Variants in CLASP1 observed in about 807,000 individuals in gnomAD.
The protein encoded by CLASP1 is cytoplasmic linker associated protein 1, also known as CLIP-associating protein 1.
CLASP1 carries 38 observed loss-of-function variants against 192.3 expected under a neutral mutation model. The ratio of observed to expected loss-of-function variants is 0.20; its 90% CI spans 0.15 to 0.26. The LOEUF is 0.26. Ranked by LOEUF, CLASP1 falls within the 10% of genes least tolerant of loss-of-function variation. The probability of loss-of-function intolerance (pLI) is 1.00; values close to 1 mark genes in which losing one functional copy is unlikely to be tolerated. For synonymous variants in CLASP1, 691 were observed against 712.8 expected (o/e 0.97, Z 0.49); for missense variants, 1,433 against 1,932.5 (o/e 0.74, Z 4.85).
chr2:121,525,507 G>A (rs1055085352), intron 6 of CLASP1, among the ~76,000 whole-genome samples: 4 of 151,820 alleles, frequency 2.6e-5, no homozygotes, highest in African/African-American at 7.3e-5. Flanking sequence ...CTCCACCCCC[G>A]GCACCACCCC....
At chr2:121,576,102 G>A (rs2060492995) in intron 2 of CLASP1, among the ~76,000 whole-genome samples, 2 of 152,232 alleles carry the variant, frequency 1.3e-5, no homozygotes, top group Non-Finnish European at 2.9e-5. Flanking sequence ...CCATGAACAG[G>A]AAGGGTTAGA....
intron 30 of CLASP1, among the ~76,000 whole-genome samples, chr2:121,389,627 G>C (rs1036182238): frequency 6.6e-6 from 1 of 152,168 alleles, no homozygotes; most frequent in African/African-American, 2.4e-5. Flanking sequence ...AATGGCATTT[G>C]AAAGTTATAA....
At chr2:121,403,390 T>C (rs1036115529) in intron 26 of CLASP1, 6 of 456,536 alleles carry the variant, frequency 1.3e-5, no homozygotes, top group Non-Finnish European at 2.6e-5. Context: ...GGATGTTTGA[T>C]ATTTCAAGGA....
chr2:121,459,122 C>T, intron 12 of CLASP1, 147 bp from the exon 13 acceptor site: 1 of 520,580 alleles, frequency 1.9e-6, no homozygotes, highest in Non-Finnish European at 3.2e-6. Context: ...AAGAACTTGG[C>T]AAATAGTTCT....
At chr2:121,448,849 T>C (rs1343125825) in intron 17 of CLASP1, 104 bp downstream of exon 17, 3 of 1,182,234 alleles carry the variant, frequency 2.5e-6, no homozygotes, top group Admixed American at 2.4e-5. Flanking sequence ...GGGGGCGTTT[T>C]AACAAGCACC....
intron 1 of CLASP1, among the ~76,000 whole-genome samples, chr2:121,645,178 AAG>A (rs2072955324): frequency 6.6e-6 from 1 of 152,162 alleles, no homozygotes; most frequent in Non-Finnish European, 1.5e-5. Context: ...TGCTCAATTC[AAG>A]AGAGAGTTTA....
chr2:121,455,495 A>T (rs1403259148), intron 14 of CLASP1, among the ~76,000 whole-genome samples: 1 of 152,228 alleles, frequency 6.6e-6, no homozygotes, highest in Non-Finnish European at 1.5e-5. Flanking sequence ...AAATCTTGTC[A>T]TTTAAGACAA....
At chr2:121,493,631 CA>C (rs2150168559) in intron 8 of CLASP1, among the ~76,000 whole-genome samples, 1 of 151,846 alleles carries the variant, frequency 6.6e-6, no homozygotes, top group East Asian at 1.9e-4. Context: ...GCAACCAAAG[CA>C]AACAATCAAC....
At chr2:121,573,545 A>G (rs1288354369) in intron 2 of CLASP1, among the ~76,000 whole-genome samples, 2 of 152,188 alleles carry the variant, frequency 1.3e-5, no homozygotes, top group Non-Finnish European at 2.9e-5. Context: ...ATATTAATTG[A>G]TATTTGTTCC....
intron 1 of CLASP1, among the ~76,000 whole-genome samples, chr2:121,640,974 C>G (rs112879524): frequency 0.014 from 2,109 of 152,242 alleles, 52 homozygotes; most frequent in African/African-American, 0.048. Flanking sequence ...AAAGGCTGAG[C>G]AGGATATGGC....
chr2:121,375,361 A>ATTTTTTTTT lies in CLASP1; in HGVS notation c.3642+2129_3642+2137dup, dbSNP rs34714381. Among the ~76,000 whole-genome samples, 4 of 116,986 alleles carry ATTTTTTTTT rather than the reference A, an allele frequency of 3.4e-5. 1 individual carries two copies. The highest frequency in any genetic ancestry group is 6.6e-5 in the African/African-American group (2 of 30,122). The allele number at this position is 116,986 out of a possible 152,430, so 76.7% of individuals were successfully genotyped here. ...TTTCTTATAAATTACCTAGTTTCTG[A>ATTTTTTTTT]TTTTTTTTTTTTTTTTTTTTTGAGA... On this transcript the variant is annotated intron_variant, in intron 34 of 39. Coordinates refer to ENST00000263710, the Ensembl canonical transcript of CLASP1.
At chr2:121,509,563 C>A (rs531922033) in intron 7 of CLASP1, among the ~76,000 whole-genome samples, 5 of 152,298 alleles carry the variant, frequency 3.3e-5, no homozygotes, top group African/African-American at 1.2e-4. Context: ...TCAAGCCGGG[C>A]ACGGTGGACC....
At chr2:121,578,823 G>T (rs935897286) in intron 2 of CLASP1, among the ~76,000 whole-genome samples, 5 of 151,486 alleles carry the variant, frequency 3.3e-5, no homozygotes, top group African/African-American at 1.2e-4. Context: ...ATTTGGAAGT[G>T]ACAGTAAGAG....
At chr2:121,463,983 T>C (rs2088784385) in intron 9 of CLASP1, among the ~76,000 whole-genome samples, 1 of 142,734 alleles carries the variant, frequency 7.0e-6, no homozygotes, top group Non-Finnish European at 1.5e-5. Flanking sequence ...CTCCTAAAGC[T>C]ATCCCTCCCC....
intron 8 of CLASP1, among the ~76,000 whole-genome samples, chr2:121,488,944 C>T (rs1286138840): frequency 1.3e-5 from 2 of 152,162 alleles, no homozygotes; most frequent in African/African-American, 4.8e-5. Flanking sequence ...GTGAAAGAAT[C>T]GTCTTTATTT....
chr2:121,478,858 CACCA>C lies in CLASP1; in HGVS notation c.713-8902_713-8899del, dbSNP rs1193043436. 3.8e-4 allele frequency among the ~76,000 whole-genome samples: 36 copies of C among 95,478 alleles called. 1 individual carries two copies. Among genetic ancestry groups the C allele is most frequent in the African/African-American group, 2.1e-3 (33 of 15,654 alleles). The allele number at this position is 95,478 out of a possible 152,430, so 62.6% of individuals were successfully genotyped here. A position where few individuals can be genotyped will look rare whatever the true frequency, so the allele number is the denominator to read the frequency against. The stretch of plus-strand genomic sequence containing the variant: ...CACACCACACACACACCACACACCA[CACCA>C]CACACACACCACACCACACACACAC... On this transcript the variant is annotated intron_variant, in intron 8 of 39. Coordinates refer to ENST00000263710, the Ensembl canonical transcript of CLASP1.
intron 2 of CLASP1, among the ~76,000 whole-genome samples, chr2:121,570,239 G>A (rs1350068384): frequency 6.6e-6 from 1 of 152,144 alleles, no homozygotes; most frequent in Non-Finnish European, 1.5e-5. Context: ...TCTTGTTAAC[G>A]AAGTAAAAAG....
chr2:121,405,699 T>A (rs1197555019), intron 25 of CLASP1, among the ~76,000 whole-genome samples: 1 of 144,874 alleles, frequency 6.9e-6, no homozygotes, highest in Admixed American at 6.7e-5. Flanking sequence ...TGGTGAACAC[T>A]AAGAATCTAC....
At chr2:121,572,058 A>G (rs1335596461) in intron 2 of CLASP1, among the ~76,000 whole-genome samples, 1 of 152,220 alleles carries the variant, frequency 6.6e-6, no homozygotes, top group African/African-American at 2.4e-5. Context: ...AAGGAAGAGA[A>G]AAATGGCATC....
Sources: gnomAD v4.1 joint callset for allele counts (sites outside exome capture counted in the v4.1 genomes callset) on GRCh38, gnomAD v4.1.1 for gene constraint, MANE v1.5 for transcripts, NCBI Gene and HGNC (gene_info 2026-07-23, HGNC 2026-07-21) for gene names.